ZNF534: variants seen among roughly 807,000 people sequenced by gnomAD.
ZNF534 encodes the protein zinc finger protein 534, also known as KRAB domain only 3.
In ZNF534, 19 loss-of-function variants were observed where a neutral mutation model predicts 13.6. The observed-to-expected ratio is 1.40, with a 90% confidence interval of 0.97 to 2.05. The LOEUF (loss-of-function observed/expected upper bound fraction) is 2.05, where lower values mean the gene tolerates loss of function less well. Ranked by LOEUF, ZNF534 falls within the 30% of genes most tolerant of loss-of-function variation. The pLI, the probability that ZNF534 is intolerant of heterozygous loss-of-function variation, is 0.00. For synonymous variants in ZNF534, 244 were observed against 273.8 expected (o/e 0.89, Z 1.07); for missense variants, 782 against 796.3 (o/e 0.98, Z 0.22).
In ZNF534 at chr19:52,438,734, TCA is replaced by T; in HGVS notation, c.1276_1277del (p.Thr426CysfsTer32). 3.8e-6 allele frequency: 6 copies of T among 1,594,136 alleles called. No individual in the cohort carries two copies. Among genetic ancestry groups the T allele is most frequent in the Non-Finnish European group, 5.1e-6 (6 of 1,169,576 alleles). On this transcript the variant is annotated frameshift_variant, in exon 5 of 5. Coordinates refer to ENST00000433050, the MANE Select transcript of ZNF534 (RefSeq NM_001143938.3). LOFTEE classifies it low-confidence loss of function (END_TRUNC). The stretch of plus-strand genomic sequence containing the variant: ...AAAGCATTTAGAACGTGTTCAGATC[TCA>T]CTGCCCATCTTCTAATCCATACTGG...
chr19:52,450,527 T>C (rs2059209408), intron 4 of ZNF534, among the ~76,000 whole-genome samples: 1 of 152,086 alleles, frequency 6.6e-6, no homozygotes, highest in African/African-American at 2.4e-5. Flanking sequence ...TCTATTTTTA[T>C]CCCAGTAGCA....
chr19:52,449,169 C>T (rs1017148188), intron 4 of ZNF534, among the ~76,000 whole-genome samples: 18 of 152,086 alleles, frequency 1.2e-4, no homozygotes, highest in Admixed American at 1.1e-3. Context: ...ATGTTGCTGC[C>T]GCAAATGACA....
intron 1 of ZNF534, among the ~76,000 whole-genome samples, chr19:52,430,788 G>A (rs1269858295): frequency 6.7e-6 from 1 of 148,496 alleles, no homozygotes; most frequent in East Asian, 2.0e-4. Flanking sequence ...CCTCGTGATC[G>A]ACCTGCCTTG....
intron 4 of ZNF534, 149 bp downstream of exon 4, chr19:52,435,358 T>C: frequency 1.0e-6 from 1 of 971,318 alleles, no homozygotes; most frequent in Non-Finnish European, 1.4e-6. Context: ...TGGCTTGGTC[T>C]TCCAAAGTGT....
chr19:52,447,225 GAC>G (rs1344252192), downstream of ZNF534, among the ~76,000 whole-genome samples: 2 of 152,088 alleles, frequency 1.3e-5, no homozygotes, highest in Non-Finnish European at 2.9e-5. Flanking sequence ...ACCCTCTTTT[GAC>G]ACATAAAGTA....
rs747334075 is a variant in ZNF534, at chr19:52,437,775, T to C, written c.315T>C (p.Leu105=). ...KLGSSAGNKS[L]KNQHGLTLQL... Reference sequence around the variant, plus strand: ...GAAGCAGTGCAGGAAACAAGTCACTTAAAAATCAACATGGATTAACTCTTC... The same window carrying C: ...GAAGCAGTGCAGGAAACAAGTCACTCAAAAATCAACATGGATTAACTCTTC... The change falls in exon 5 of 5, where the codon CTT becomes CTC. Residue 105 remains leucine (L), a synonymous_variant. Transcript: ENST00000433050. The C allele has an allele frequency of 5.1e-5, 81 of 1,599,286 alleles. No individual in the cohort carries two copies. Among genetic ancestry groups the C allele is most frequent in the Non-Finnish European group, 6.7e-5 (79 of 1,172,396 alleles).
rs1298192077 is a variant in ZNF534, at chr19:52,441,330, CAT to C, written c.*1886_*1887del. Among the ~76,000 whole-genome samples the C allele has an allele frequency of 6.6e-6, 1 of 152,148 alleles. No individual in the cohort carries two copies. Among genetic ancestry groups the C allele is most frequent in the Non-Finnish European group, 1.5e-5 (1 of 68,022 alleles). On this transcript the variant is annotated 3_prime_UTR_variant, in exon 5 of 5. Coordinates refer to ENST00000433050, the MANE Select transcript of ZNF534 (RefSeq NM_001143938.3). ...AGGAGTTTGAGACCAACCTGGGTAA[CAT>C]AAGGACAACTCCATCTCTACAAATA...
chr19:52,438,321 G>C lies in ZNF534; in HGVS notation c.861G>C (p.Gln287His). 1.9e-6 allele frequency: 3 copies of C among 1,606,142 alleles called. No individual in the cohort carries two copies. The highest frequency in any genetic ancestry group is 1.7e-4 in the Middle Eastern group (1 of 6,044). Reference protein sequence around the residue: ...KVFSHHAYLAQHRKIHTGEKP... With the variant: ...KVFSHHAYLAHHRKIHTGEKP... ...TTAGTCACCATGCCTACCTTGCACA[G>C]CATAGGAAAATTCATACTGGAGAGA... Residue 287 changes from glutamine to histidine, a missense_variant, in exon 5 of 5, where the codon CAG becomes CAC. Gln to His is a conservative substitution (Grantham distance 24, BLOSUM62 0). This residue lies in a region of ZNF534 where 591 missense variants were observed against 574.0 expected (regional missense o/e 1.03). Transcript: ENST00000433050.
At chr19:52,433,897 T>C (rs1047837689) in intron 2 of ZNF534, 58 bp from the exon 3 acceptor site, 6 of 1,600,242 alleles carry the variant, frequency 3.7e-6, no homozygotes, top group Non-Finnish European at 5.1e-6. Flanking sequence ...CTTCTCATTC[T>C]GTTTGAAGAT....
Position 52,437,973 on chromosome 19 carries a change from A to T in ZNF534, c.513A>T (p.Thr171=). The T allele has an allele frequency of 3.7e-6, 6 of 1,613,830 alleles. No individual in the cohort carries two copies. The highest frequency in any genetic ancestry group is 5.1e-6 in the Non-Finnish European group (6 of 1,179,964). The part of the protein sequence containing the change: ...NNYRNDFLFS[T]LLPQEQKVHI... Reference sequence around the variant, plus strand: ...ACAGAAATGATTTTCTTTTTTCTACATTACTCCCACAAGAACAGAAAGTAC... The same window carrying T: ...ACAGAAATGATTTTCTTTTTTCTACTTTACTCCCACAAGAACAGAAAGTAC... Residue 171 remains threonine, a synonymous_variant, in exon 5 of 5, where the codon ACA becomes ACT. Transcript: ENST00000433050.
chr19:52,437,390 AG>A (rs1212919848), intron 4 of ZNF534, among the ~76,000 whole-genome samples: 1 of 152,128 alleles, frequency 6.6e-6, no homozygotes, highest in Non-Finnish European at 1.5e-5. Context: ...CGGCTGAGGC[AG>A]GTGGATCACA....
chr19:52,432,545 G>A (rs944916161), intron 2 of ZNF534, among the ~76,000 whole-genome samples: 1 of 152,148 alleles, frequency 6.6e-6, no homozygotes, highest in Non-Finnish European at 1.5e-5. Flanking sequence ...TGAGAATAGT[G>A]CCTATCACAT....
downstream of ZNF534, among the ~76,000 whole-genome samples, chr19:52,447,261 A>G (rs1285781746): frequency 1.3e-5 from 2 of 152,216 alleles, no homozygotes; most frequent in African/African-American, 2.4e-5. Flanking sequence ...TGATCAGGAC[A>G]TGGACATCAT....
rs1404112410 is a variant in ZNF534 at position 52,440,159 on chromosome 19, A to G, written c.*713A>G. On this transcript the variant is annotated 3_prime_UTR_variant, in exon 5 of 5. Coordinates refer to ENST00000433050, the MANE Select transcript of ZNF534 (RefSeq NM_001143938.3). ...TGAAATCATGCCTCTCTACCCATCTATTAATCCATACTGGAAGGAAACCAT... is the reference window on the plus strand; with the variant it reads ...TGAAATCATGCCTCTCTACCCATCTGTTAATCCATACTGGAAGGAAACCAT... Among the ~76,000 whole-genome samples, 1 of 152,234 alleles carries G rather than the reference A, an allele frequency of 6.6e-6. No homozygotes were observed. The highest frequency in any genetic ancestry group is 1.5e-5 in the Non-Finnish European group (1 of 68,036).
Position 52,440,925 on chromosome 19 carries a change from A to G in ZNF534, c.*1479A>G, listed in dbSNP as rs2059168425. Among the ~76,000 whole-genome samples, 3 of 151,608 alleles carry G rather than the reference A, an allele frequency of 2.0e-5. No individual in the cohort carries two copies. The South Asian group carries it at 6.3e-4, about 32-fold the overall frequency. The stretch of plus-strand genomic sequence containing the variant: ...TTTTTTTTTTTTTTCCCCCGAAACA[A>G]GAGTCTCGCTCTGATGCCCAGGCTG... On this transcript the variant is annotated 3_prime_UTR_variant, in exon 5 of 5. Coordinates refer to ENST00000433050, the MANE Select transcript of ZNF534 (RefSeq NM_001143938.3).
chr19:52,446,476 A>G (rs1319675341), downstream of ZNF534, among the ~76,000 whole-genome samples: 2 of 152,062 alleles, frequency 1.3e-5, no homozygotes, highest in East Asian at 3.9e-4. Context: ...GATTTTTTAT[A>G]CTTTTTGGGC....
In ZNF534 at chr19:52,440,484, A is replaced by G. The variant is rs554232429; in HGVS notation, c.*1038A>G. 2.0e-5 allele frequency among the ~76,000 whole-genome samples: 3 copies of G among 152,196 alleles called. No homozygotes were observed. The highest frequency in any genetic ancestry group is 2.4e-5 in the African/African-American group (1 of 41,456). ...TCACAATTCACATCTTGCACATCAA[A>G]TAATTCATACTGGAGGCTGGGTGCG... On this transcript the variant is annotated 3_prime_UTR_variant, in exon 5 of 5. Transcript: ENST00000433050.
chr19:52,447,377 C>T (rs2059198108), downstream of ZNF534, among the ~76,000 whole-genome samples: 1 of 152,156 alleles, frequency 6.6e-6, no homozygotes, highest in Non-Finnish European at 1.5e-5. Flanking sequence ...TTCTTTATTT[C>T]ACTGGGTACA....
At position 52,439,007 on chromosome 19, in the gene ZNF534, A is replaced by T. The variant is rs1319039224; in HGVS notation, c.1547A>T (p.His516Leu). Residue 516 changes from histidine (H) to leucine (L), a missense_variant, in exon 5 of 5, where the codon CAT becomes CTT. His to Leu is a moderately conservative substitution (Grantham distance 99, BLOSUM62 -3). This residue lies in a region of ZNF534 where 591 missense variants were observed against 574.0 expected (regional missense o/e 1.03). Transcript: ENST00000433050. Reference protein sequence around the residue: ...NSHLAQHRDIHTGEKPYSCNE... With the variant: ...NSHLAQHRDILTGEKPYSCNE... Reference sequence around the variant, plus strand: ...CACCTTGCACAACATAGGGATATTCATACTGGAGAGAAGCCTTACAGTTGT... The same window carrying T: ...CACCTTGCACAACATAGGGATATTCTTACTGGAGAGAAGCCTTACAGTTGT... 1.2e-6 allele frequency: 2 copies of T among 1,603,526 alleles called. No individual in the cohort carries two copies. Among genetic ancestry groups the T allele is most frequent in the Non-Finnish European group, 8.5e-7 (1 of 1,174,554 alleles).
Sources: allele counts gnomAD v4.1 joint callset (sites outside exome capture counted in the v4.1 genomes callset), GRCh38; gene constraint gnomAD v4.1.1; regional missense constraint gnomAD v4.1.1; transcripts MANE v1.5; gene names NCBI Gene and HGNC (gene_info 2026-07-23, HGNC 2026-07-21).